CMIP: variants seen among roughly 807,000 people sequenced by gnomAD.
The protein encoded by CMIP is C-Maf-inducing protein.
Under a neutral mutation model 97.3 loss-of-function variants are expected in CMIP, and 13 were observed. The observed-to-expected ratio is 0.13, with a 90% confidence interval of 0.09 to 0.21. CMIP has a LOEUF of 0.21. Ranked by LOEUF, CMIP falls within the 10% of genes least tolerant of loss-of-function variation. The probability of loss-of-function intolerance (pLI) is 1.00; values close to 1 mark genes in which losing one functional copy is unlikely to be tolerated. For synonymous variants in CMIP, 538 were observed against 436.3 expected (o/e 1.23, Z -2.91); for missense variants, 847 against 1,024.9 (o/e 0.83, Z 2.37).
intron 1 of CMIP, among the ~76,000 whole-genome samples, chr16:81,545,938 T>C (rs2090538306): frequency 6.6e-6 from 1 of 151,986 alleles, no homozygotes; most frequent in African/African-American, 2.4e-5. Context: ...TCACTGCAGG[T>C]AGATCTAGTG....
Position 81,461,660 on chromosome 16 carries a change from G to A in CMIP, c.300+16119G>A, listed in dbSNP as rs149960478. On this transcript the variant is annotated intron_variant, in intron 1 of 20. Transcript: ENST00000537098. ...TTTTTTGAAGCCTTCTCCACACCAG[G>A]GTGTTCGCTCTTAAGAGATGATTTT... Among the ~76,000 whole-genome samples the A allele has an allele frequency of 3.5e-3, 535 of 152,268 alleles. 2 individuals are homozygous for A. The highest frequency in any genetic ancestry group is 0.012 in the African/African-American group (485 of 41,552).
At chr16:81,684,052 C>T (rs370101179) in intron 10 of CMIP, among the ~76,000 whole-genome samples, 10 of 152,080 alleles carry the variant, frequency 6.6e-5, no homozygotes, top group African/African-American at 1.2e-4. Flanking sequence ...TGAGCCACCA[C>T]GCCCAGCCTG....
chr16:81,601,932 G>A (rs1053741446), intron 1 of CMIP, among the ~76,000 whole-genome samples: 1 of 152,218 alleles, frequency 6.6e-6, no homozygotes, highest in East Asian at 1.9e-4. Context: ...GGGCTCTCCG[G>A]TTCCCTTTAA....
Position 81,701,723 on chromosome 16 carries a change from T to C in CMIP, c.1819T>C (p.Ser607Pro). The change falls in exon 16 of 21, where the codon TCA (serine) becomes CCA (proline). Residue 607 changes from serine (S) to proline (P), a missense_variant. Transcript: ENST00000537098. ...CAACGACACCCAACTGCAGATCATC[T>C]CAACCCTGGAGAGCACAGACGTGGG... Reference protein sequence around the residue: ...DNNDTQLQIISTLESTDVGKR... With the variant: ...DNNDTQLQIIPTLESTDVGKR... The C allele has an allele frequency of 6.2e-7, 1 of 1,613,928 alleles. No individual in the cohort carries two copies. The highest frequency in any genetic ancestry group is 1.1e-5 in the South Asian group (1 of 91,080).
Position 81,709,533 on chromosome 16 carries a change from G to T in CMIP, c.2269-213G>T, listed in dbSNP as rs72831139. Among the ~76,000 whole-genome samples the T allele has an allele frequency of 0.1, 15,377 of 152,178 alleles. 948 individuals carry two copies. The highest frequency in any genetic ancestry group is 0.13 in the Non-Finnish European group (9,138 of 67,984). On this transcript the variant is annotated intron_variant, in intron 20 of 20. Transcript: ENST00000537098. ...TCTGAGGCGGGGGCATGGGAACCCC[G>T]CTGCCTGGTTTCTCCGGGGCCAGGG...
intron 1 of CMIP, among the ~76,000 whole-genome samples, chr16:81,591,820 T>C (rs895776302): frequency 4.7e-5 from 7 of 147,860 alleles, no homozygotes; most frequent in African/African-American, 1.8e-4. Flanking sequence ...TTTTCTTTCT[T>C]TCTTTCTTTC....
chr16:81,530,828 T>G (rs2090219507), intron 1 of CMIP, among the ~76,000 whole-genome samples: 2 of 152,146 alleles, frequency 1.3e-5, no homozygotes, highest in Admixed American at 1.3e-4. Context: ...TACATTATCT[T>G]CGATCAGTTC....
intron 1 of CMIP, among the ~76,000 whole-genome samples, chr16:81,567,706 G>A (rs2091007512): frequency 1.3e-5 from 2 of 152,156 alleles, no homozygotes; most frequent in East Asian, 1.9e-4. Flanking sequence ...CTCTCCATGC[G>A]CTGCTCCTCT....
intron 1 of CMIP, among the ~76,000 whole-genome samples, chr16:81,486,202 A>T (rs2089311384): frequency 6.6e-6 from 1 of 152,210 alleles, no homozygotes; most frequent in African/African-American, 2.4e-5. Flanking sequence ...TTTCCATCAC[A>T]GCCAGGCTTT....
At chr16:81,594,205 A>T (rs750505263) in intron 1 of CMIP, among the ~76,000 whole-genome samples, 1 of 147,650 alleles carries the variant, frequency 6.8e-6, no homozygotes, top group African/African-American at 2.5e-5. Context: ...GCAACCTCCA[A>T]CTCCTGGGTT....
intron 1 of CMIP, among the ~76,000 whole-genome samples, chr16:81,575,784 G>A (rs900011565): frequency 9.2e-5 from 14 of 152,198 alleles, no homozygotes; most frequent in Non-Finnish European, 1.6e-4. Context: ...TCCTGGCCAC[G>A]TGAGTCTGAT....
At chr16:81,471,219 T>G (rs1049408957) in intron 1 of CMIP, among the ~76,000 whole-genome samples, 1 of 152,126 alleles carries the variant, frequency 6.6e-6, no homozygotes, top group Non-Finnish European at 1.5e-5. Context: ...CACACATACA[T>G]GTACACATAC....
rs558606255 is a variant in CMIP at position 81,452,885 on chromosome 16, G to GTTTTTT, written c.300+7358_300+7363dup. Among the ~76,000 whole-genome samples the GTTTTTT allele has an allele frequency of 5.8e-3, 754 of 129,034 alleles. 4 individuals are homozygous for GTTTTTT. The highest frequency in any genetic ancestry group is 7.7e-3 in the African/African-American group (265 of 34,516). The allele number at this position is 129,034 out of a possible 152,430, so 84.7% of individuals were successfully genotyped here. On this transcript the variant is annotated intron_variant, in intron 1 of 20. Transcript: ENST00000537098. ...TTTTCTTTTGTTTTTTTTTTGTTTT[G>GTTTTTT]TTTTTTTTTTTTTTTTTTTGCAAAC...
chr16:81,635,251 G>T (rs948888357), intron 3 of CMIP, among the ~76,000 whole-genome samples: 7 of 151,218 alleles, frequency 4.6e-5, no homozygotes, highest in Non-Finnish European at 8.8e-5. Flanking sequence ...TTTCGCTCTG[G>T]GTGGCCTTGG....
At chr16:81,566,920 G>A (rs1597096390) in intron 1 of CMIP, among the ~76,000 whole-genome samples, 1 of 152,204 alleles carries the variant, frequency 6.6e-6, no homozygotes, top group African/African-American at 2.4e-5. Context: ...GGAAGTTCAA[G>A]GTCAGACAAA....
intron 1 of CMIP, among the ~76,000 whole-genome samples, chr16:81,472,980 G>C (rs1454977380): frequency 6.6e-6 from 1 of 152,208 alleles, no homozygotes; most frequent in Non-Finnish European, 1.5e-5. Context: ...TGCGAGGAGA[G>C]CCTGTTCGCC....
At chr16:81,528,256 T>C (rs1187365252) in intron 1 of CMIP, among the ~76,000 whole-genome samples, 1 of 152,206 alleles carries the variant, frequency 6.6e-6, no homozygotes, top group Admixed American at 6.5e-5. Flanking sequence ...AAATTGGCGC[T>C]TGTCTGGTCT....
chr16:81,553,517 G>A (rs2090700906), intron 1 of CMIP, among the ~76,000 whole-genome samples: 1 of 152,116 alleles, frequency 6.6e-6, no homozygotes, highest in African/African-American at 2.4e-5. Flanking sequence ...AGAGCCCACT[G>A]CCTGTCCCGG....
intron 3 of CMIP, among the ~76,000 whole-genome samples, chr16:81,637,645 C>T (rs529391559): frequency 1.8e-4 from 27 of 152,102 alleles, no homozygotes; most frequent in African/African-American, 6.0e-4. Flanking sequence ...CACACATCTG[C>T]GAGCAAAAAC....
Sources: allele counts gnomAD v4.1 joint callset (sites outside exome capture counted in the v4.1 genomes callset), GRCh38; gene constraint gnomAD v4.1.1; transcripts MANE v1.5; gene names NCBI Gene and HGNC (gene_info 2026-07-23, HGNC 2026-07-21).